SIPA1L3: variants seen among roughly 807,000 people sequenced by gnomAD.
SIPA1L3 encodes signal-induced proliferation-associated 1-like protein 3.
SIPA1L3 carries 59 observed loss-of-function variants against 150.1 expected under a neutral mutation model. The ratio of observed to expected loss-of-function variants is 0.39; its 90% CI spans 0.32 to 0.49. The LOEUF is 0.49. SIPA1L3 is among the 20% of genes least tolerant of loss of function. The pLI, the probability that SIPA1L3 is intolerant of heterozygous loss-of-function variation, is 0.86. For synonymous variants in SIPA1L3, 1,070 were observed against 1,077.6 expected, an observed-to-expected ratio of 0.99 and a Z score of 0.14; for missense variants, 2,211 against 2,489.5, an observed-to-expected ratio of 0.89 and a Z score of 2.38.
At chr19:37,922,713 G>T (rs905524413) in intron 1 of SIPA1L3, among the ~76,000 whole-genome samples, 2 of 151,842 alleles carry the variant, frequency 1.3e-5, no homozygotes, top group African/African-American at 4.8e-5. Context: ...AACTTATCAA[G>T]TCCTCAGTGA....
chr19:38,026,884 C>T (rs1394745346), intron 1 of SIPA1L3, among the ~76,000 whole-genome samples: 2 of 152,208 alleles, frequency 1.3e-5, no homozygotes, highest in African/African-American at 2.4e-5. Flanking sequence ...CTAGAAATCA[C>T]GGATATTCTC....
rs71179411 is a variant in SIPA1L3 at position 38,098,392 on chromosome 19, A to ATTT, written c.1666-1550_1666-1548dup. Among the ~76,000 whole-genome samples the ATTT allele has an allele frequency of 1.3e-3, 151 of 113,686 alleles. 3 individuals carry two copies. The highest frequency in any genetic ancestry group is 4.7e-3 in the African/African-American group (139 of 29,742). The allele number at this position is 113,686 out of a possible 152,430, so 74.6% of individuals were successfully genotyped here. A position where few individuals can be genotyped will look rare whatever the true frequency, so the allele number is the denominator to read the frequency against. On this transcript the variant is annotated intron_variant, in intron 4 of 21. Coordinates refer to ENST00000222345, the MANE Select transcript of SIPA1L3 (RefSeq NM_015073.3). ...AGTGGGCAGGTGGAAAGGGGCTTTC[A>ATTT]TTTTTTTTTTTTTTTTTTTTTTGAG...
At chr19:37,912,158 A>C (rs535302840) in intron 1 of SIPA1L3, among the ~76,000 whole-genome samples, 1 of 152,002 alleles carries the variant, frequency 6.6e-6, no homozygotes, top group Admixed American at 6.6e-5. Context: ...AATTGCTTGA[A>C]CCAGGGAGGT....
intron 1 of SIPA1L3, among the ~76,000 whole-genome samples, chr19:37,950,591 C>G (rs1364988778): frequency 6.6e-6 from 1 of 152,216 alleles, no homozygotes; most frequent in Admixed American, 6.5e-5. Context: ...AGCTCCTGAT[C>G]ACACTTGAAC....
intron 1 of SIPA1L3, among the ~76,000 whole-genome samples, chr19:37,927,873 A>C (rs1241195177): frequency 6.6e-6 from 1 of 151,994 alleles, no homozygotes; most frequent in Non-Finnish European, 1.5e-5. Context: ...AATAGACATG[A>C]TTTCATTCTT....
intron 1 of SIPA1L3, among the ~76,000 whole-genome samples, chr19:37,916,046 G>C (rs993700174): frequency 1.3e-5 from 2 of 151,066 alleles, no homozygotes; most frequent in Non-Finnish European, 3.0e-5. Flanking sequence ...TTTTGTTTTT[G>C]AGACAGTTCT....
At chr19:37,933,615 C>T (rs1276997578) in intron 1 of SIPA1L3, among the ~76,000 whole-genome samples, 4 of 152,160 alleles carry the variant, frequency 2.6e-5, no homozygotes, top group Admixed American at 6.5e-5. Flanking sequence ...TGGCCAGCCC[C>T]GTTTGGGGTT....
chr19:37,909,251 A>G (rs1263576156), intron 1 of SIPA1L3, among the ~76,000 whole-genome samples: 1 of 152,220 alleles, frequency 6.6e-6, no homozygotes, highest in Non-Finnish European at 1.5e-5. Context: ...TCCATAGCCC[A>G]GGCTGGAGTG....
At chr19:38,068,530 G>A (rs1445753891) in intron 2 of SIPA1L3, among the ~76,000 whole-genome samples, 3 of 152,040 alleles carry the variant, frequency 2.0e-5, no homozygotes, top group African/African-American at 4.8e-5. Flanking sequence ...CCTGCCCCTC[G>A]TAACCTTTGC....
chr19:37,960,490 G>A (rs1014118846), intron 1 of SIPA1L3, among the ~76,000 whole-genome samples: 4 of 149,444 alleles, frequency 2.7e-5, no homozygotes, highest in Non-Finnish European at 3.0e-5. Flanking sequence ...TGCAAGCTCC[G>A]CCTGCTGGGT....
chr19:37,918,915 T>TAAATAAATAAACAAAC (rs1469693325), intron 1 of SIPA1L3, among the ~76,000 whole-genome samples: 3 of 136,600 alleles, frequency 2.2e-5, no homozygotes, highest in East Asian at 4.4e-4. Flanking sequence ...AATAAATAAA[T>TAAATAAATAAACAAAC]AAACAAACTG....
At chr19:38,079,574 T>TTG (rs1969930873) in intron 2 of SIPA1L3, among the ~76,000 whole-genome samples, 1 of 151,058 alleles carries the variant, frequency 6.6e-6, no homozygotes, top group Non-Finnish European at 1.5e-5. Flanking sequence ...TTTTTTTTTT[T>TTG]GAGATAGGAT....
Position 38,046,618 on chromosome 19 carries a change from C to T in SIPA1L3, c.-311+17462C>T, listed in dbSNP as rs933038893. On this transcript the variant is annotated intron_variant, in intron 2 of 21. Coordinates refer to ENST00000222345, the MANE Select transcript of SIPA1L3 (RefSeq NM_015073.3). The surrounding 1 kb of genome is among the most constrained non-coding windows in gnomAD (Gnocchi z 5.6). ...AGTTTTGGGAGGCCCTGTGCCACAA[C>T]CCCCCAGCAAGAGCCCACATGAATC... Among the ~76,000 whole-genome samples the T allele has an allele frequency of 6.6e-6, 1 of 152,172 alleles. No individual in the cohort carries two copies. Among genetic ancestry groups the T allele is most frequent in the African/African-American group, 2.4e-5 (1 of 41,438 alleles).
chr19:38,124,220 G>T (rs1448888002), intron 9 of SIPA1L3, among the ~76,000 whole-genome samples: 1 of 151,270 alleles, frequency 6.6e-6, no homozygotes, highest in Admixed American at 6.6e-5. Context: ...CAGCTGCCGG[G>T]CGGAGGGGCT....
At chr19:38,196,521 T>TGGAGGTCAAGGGCAGAGCAA (rs1487204309) in intron 18 of SIPA1L3, among the ~76,000 whole-genome samples, 1 of 118,900 alleles carries the variant, frequency 8.4e-6, no homozygotes, top group Non-Finnish European at 1.7e-5. Context: ...GGGAGGAGCA[T>TGGAGGTCAAGGGCAGAGCAA]GGAGGTCAAG....
intron 20 of SIPA1L3, among the ~76,000 whole-genome samples, chr19:38,203,386 A>G (rs926740277): frequency 1.5e-4 from 23 of 152,156 alleles, no homozygotes; most frequent in African/African-American, 5.6e-4. Context: ...CCCGACCGCC[A>G]CCGCCTCTGT....
At chr19:38,190,847 A>C (rs555671836) in intron 16 of SIPA1L3, among the ~76,000 whole-genome samples, 1 of 152,324 alleles carries the variant, frequency 6.6e-6, no homozygotes, top group South Asian at 2.1e-4. Flanking sequence ...AGAAATTGTT[A>C]TCTGCAGACA....
At position 38,162,285 on chromosome 19, in the gene SIPA1L3, C is replaced by T. The variant is rs1387833881; in HGVS notation, c.3694C>T (p.Leu1232Phe). The change falls in exon 14 of 22, where the codon CTC (leucine) becomes TTC (phenylalanine). Residue 1232 changes from leucine (L) to phenylalanine (F), a missense_variant. By Grantham distance (22) the Leu-to-Phe change is conservative (BLOSUM62 0). This residue lies in a region of SIPA1L3 where 806 missense variants were observed against 870.1 expected (regional missense o/e 0.93). Transcript: ENST00000222345. ...GTGGCATGTGCCTGCCCAGGCCAGG[C>T]TCTCAGCCATAGCCGGAAGCAGCGG... is the stretch of plus-strand genomic sequence containing the variant. ...PLWHVPAQARLSAIAGSSGNK... is the reference protein window; with the variant it reads ...PLWHVPAQARFSAIAGSSGNK... 1.2e-6 allele frequency: 2 copies of T among 1,614,228 alleles called. No individual in the cohort carries two copies. The highest frequency in any genetic ancestry group is 3.3e-5 in the Admixed American group (2 of 60,032).
chr19:38,042,360 T>C (rs1968945082), intron 2 of SIPA1L3, among the ~76,000 whole-genome samples: 1 of 152,262 alleles, frequency 6.6e-6, no homozygotes, highest in African/African-American at 2.4e-5. Flanking sequence ...AGCTTTGTAA[T>C]ATAATTTTAA....
Sources: allele counts gnomAD v4.1 joint callset (sites outside exome capture counted in the v4.1 genomes callset), GRCh38; gene constraint gnomAD v4.1.1; regional missense constraint gnomAD v4.1.1; non-coding constraint Gnocchi (gnomAD v3.1); transcripts MANE v1.5; gene names NCBI Gene and HGNC (gene_info 2026-07-23, HGNC 2026-07-21).